XKR9: variants seen among roughly 807,000 people sequenced by gnomAD.
The protein encoded by XKR9 is XK-related protein 9.
XKR9 carries 32 observed loss-of-function variants against 32.0 expected under a neutral mutation model. That is an observed-to-expected ratio of 1.00 (90% CI 0.76 to 1.34). The LOEUF is 1.34. Among genes scored for constraint, XKR9 ranks in the 40% most tolerant of loss-of-function variants. The pLI is 0.00. For synonymous variants in XKR9, 168 were observed against 143.4 expected, an observed-to-expected ratio of 1.17 and a Z score of -1.22; for missense variants, 546 against 429.7, an observed-to-expected ratio of 1.27 and a Z score of -2.39.
chr8:70,877,065 G>A, the XKR9 span, among the ~76,000 whole-genome samples: 2 of 152,276 alleles, frequency 1.3e-5, no homozygotes, highest in African/African-American at 4.8e-5. Context: ...AGTTCTGCAT[G>A]GCTGGGGAGG....
chr8:70,948,650 G>A, the XKR9 span, among the ~76,000 whole-genome samples: 3 of 152,110 alleles, frequency 2.0e-5, no homozygotes, highest in African/African-American at 4.8e-5. Context: ...CGAGCCTGCC[G>A]GTCAATGAGA....
chr8:70,925,134 A>G, the XKR9 span, among the ~76,000 whole-genome samples: 12 of 152,172 alleles, frequency 7.9e-5, no homozygotes, highest in Non-Finnish European at 1.6e-4. Flanking sequence ...CCTAATGTTC[A>G]TAGGTTCTGC....
At chr8:70,886,964 C>T in the XKR9 span, among the ~76,000 whole-genome samples, 3 of 152,122 alleles carry the variant, frequency 2.0e-5, no homozygotes, top group Non-Finnish European at 4.4e-5. Context: ...TTCGCTTATG[C>T]CTATGTTCTT....
intron 3 of XKR9, among the ~76,000 whole-genome samples, chr8:70,693,258 A>G (rs906245366): frequency 1.3e-5 from 2 of 152,140 alleles, no homozygotes; most frequent in African/African-American, 4.8e-5. Context: ...GGCTTTGTGT[A>G]GGGTCTTTAT....
chr8:70,967,779 T>C, the XKR9 span, among the ~76,000 whole-genome samples: 2 of 152,178 alleles, frequency 1.3e-5, no homozygotes, highest in African/African-American at 4.8e-5. Context: ...CTCTTCTGGC[T>C]TGTAGGGTTT....
chr8:70,699,067 C>T (rs980804564), intron 3 of XKR9, among the ~76,000 whole-genome samples: 8 of 152,204 alleles, frequency 5.3e-5, no homozygotes, highest in African/African-American at 1.7e-4. Context: ...TTATTTTGAG[C>T]CTATGTGTGT....
chr8:70,937,082 A>G, the XKR9 span, among the ~76,000 whole-genome samples: 2 of 151,894 alleles, frequency 1.3e-5, no homozygotes, highest in Admixed American at 1.3e-4. Flanking sequence ...CAGGAAATTC[A>G]CACACACACA....
At chr8:70,985,687 A>G in the XKR9 span, among the ~76,000 whole-genome samples, 7 of 151,892 alleles carry the variant, frequency 4.6e-5, no homozygotes, top group Non-Finnish European at 1.0e-4. Flanking sequence ...TCACCCTCCT[A>G]CCCTCAATTT....
chr8:71,002,198 T>C, the XKR9 span, among the ~76,000 whole-genome samples: 1 of 152,024 alleles, frequency 6.6e-6, no homozygotes, highest in African/African-American at 2.4e-5. Flanking sequence ...GTAAATGTAG[T>C]TAATTCTATC....
At chr8:70,895,821 C>CAAAA in the XKR9 span, among the ~76,000 whole-genome samples, 1 of 63,790 alleles carries the variant, frequency 1.6e-5, no homozygotes, top group Admixed American at 1.5e-4. Flanking sequence ...CCTACCTCTA[C>CAAAA]AAAAAAAAAA....
Position 70,707,051 on chromosome 8 carries a change from T to A in XKR9, c.391T>A (p.Leu131Met). 6.2e-7 allele frequency: 1 copy of A among 1,613,530 alleles called. No homozygotes were observed. The highest frequency in any genetic ancestry group is 2.2e-5 in the East Asian group (1 of 44,842). Residue 131 changes from leucine to methionine, a missense_variant, in exon 4 of 5, where the codon TTG becomes ATG. Leu to Met is a conservative substitution (Grantham distance 15, BLOSUM62 2). Coordinates refer to ENST00000408926, the MANE Select transcript of XKR9 (RefSeq NM_001011720.2). ...AGAAGTTATAGATAGAGTGACTGAT[T>A]TGAGCATGCTCAGACTATTTGAGAC... ...HKEVIDRVTD[L>M]SMLRLFETYL...
downstream of XKR9, among the ~76,000 whole-genome samples, chr8:70,740,548 T>A (rs1806953314): frequency 6.6e-6 from 1 of 150,436 alleles, no homozygotes; most frequent in East Asian, 1.9e-4. Context: ...GCTCTGCTTT[T>A]TAGAGTTTCC....
chr8:70,880,721 C>A, the XKR9 span, among the ~76,000 whole-genome samples: 1 of 152,098 alleles, frequency 6.6e-6, no homozygotes, highest in Non-Finnish European at 1.5e-5. Flanking sequence ...GATTCAATGC[C>A]ATCCCCATCA....
chr8:70,803,173 CTG>C, the XKR9 span, among the ~76,000 whole-genome samples: 1 of 151,610 alleles, frequency 6.6e-6, no homozygotes, highest in Admixed American at 6.6e-5. Context: ...ATTATTGTGA[CTG>C]TTATTTCAGA....
intron 2 of XKR9, among the ~76,000 whole-genome samples, chr8:70,785,807 A>G (rs1807680810): frequency 1.3e-5 from 2 of 149,280 alleles, no homozygotes; most frequent in East Asian, 3.9e-4. Context: ...ATACTTACAT[A>G]CAACATACCT....
chr8:70,892,268 G>A, the XKR9 span, among the ~76,000 whole-genome samples: 4 of 152,074 alleles, frequency 2.6e-5, no homozygotes, highest in Admixed American at 1.3e-4. Context: ...TTACTGATAG[G>A]CAAGGACTTA....
chr8:70,669,351 A>C lies in XKR9; in HGVS notation c.-548A>C. ...GCGGTGCGGAACTAGAGGTCACGTG[A>C]CGCCGCGCGGGCTGCGCGGGCAGTG... On this transcript the variant is annotated 5_prime_UTR_variant, in exon 1 of 5. Coordinates refer to ENST00000408926, the MANE Select transcript of XKR9 (RefSeq NM_001011720.2). The C allele has an allele frequency of 2.0e-6, 1 of 506,630 alleles. No individual in the cohort carries two copies. 31.4% of individuals were successfully genotyped at this position (506,630 alleles called of 1,614,324 possible).
intron 2 of XKR9, among the ~76,000 whole-genome samples, chr8:70,754,038 CCTT>C (rs1316635376): frequency 2.0e-5 from 3 of 146,458 alleles, no homozygotes; most frequent in Non-Finnish European, 3.0e-5. Flanking sequence ...CCCAAAATCT[CCTT>C]AAGCTGATAA....
chr8:71,013,535 A>G, the XKR9 span, among the ~76,000 whole-genome samples: 2 of 152,232 alleles, frequency 1.3e-5, no homozygotes, highest in African/African-American at 4.8e-5. Context: ...ATGAGAAGCC[A>G]GCAGAGTTGT....
Sources: gnomAD v4.1 joint callset for allele counts (sites outside exome capture counted in the v4.1 genomes callset) on GRCh38, gnomAD v4.1.1 for gene constraint, MANE v1.5 for transcripts, NCBI Gene and HGNC (gene_info 2026-07-23, HGNC 2026-07-21) for gene names.